Variants in ARHGAP26 observed in about 807,000 individuals in gnomAD.
ARHGAP26 encodes the protein rho GTPase-activating protein 26.
In ARHGAP26, 38 loss-of-function variants were observed where a neutral mutation model predicts 104.8. That is an observed-to-expected ratio of 0.36 (90% CI 0.28 to 0.48). The LOEUF (loss-of-function observed/expected upper bound fraction) is 0.48. ARHGAP26 is among the 20% of genes least tolerant of loss of function. The pLI, the probability that ARHGAP26 is intolerant of heterozygous loss-of-function variation, is 0.99. For synonymous variants in ARHGAP26, 341 were observed against 340.0 expected (o/e 1.00, Z -0.03); for missense variants, 704 against 947.9 (o/e 0.74, Z 3.38).
chr5:142,944,925 G>A (rs1356444302), intron 11 of ARHGAP26, among the ~76,000 whole-genome samples: 3 of 151,946 alleles, frequency 2.0e-5, no homozygotes, highest in Admixed American at 6.6e-5. Context: ...TTCTAGCAGC[G>A]CCGCCCCCTC....
intron 1 of ARHGAP26, among the ~76,000 whole-genome samples, chr5:142,832,420 G>A (rs1485754963): frequency 6.6e-6 from 1 of 152,254 alleles, no homozygotes; most frequent in Non-Finnish European, 1.5e-5. Context: ...AAGAGGTCAT[G>A]TGAGTGTAGA....
At chr5:143,033,082 G>T (rs1359902994) in intron 12 of ARHGAP26, among the ~76,000 whole-genome samples, 1 of 152,168 alleles carries the variant, frequency 6.6e-6, no homozygotes, top group Non-Finnish European at 1.5e-5. Flanking sequence ...TACATTAGAG[G>T]CTAACAGAGT....
At chr5:142,792,717 GATGTAGCTGTGGA>G (rs1185945069) in intron 1 of ARHGAP26, among the ~76,000 whole-genome samples, 1 of 152,168 alleles carries the variant, frequency 6.6e-6, no homozygotes, top group Admixed American at 6.5e-5. Context: ...GGAGTCCTTG[GATGTAGCTGTGGA>G]ATGAGCAGCG....
chr5:142,844,041 CT>C (rs1217167256), intron 1 of ARHGAP26, among the ~76,000 whole-genome samples: 1 of 148,066 alleles, frequency 6.8e-6, no homozygotes, highest in African/African-American at 2.5e-5. Flanking sequence ...TACATGTGAG[CT>C]AAAAGTGAGT....
At chr5:143,133,381 T>C (rs1193103723) in intron 18 of ARHGAP26, among the ~76,000 whole-genome samples, 1 of 152,120 alleles carries the variant, frequency 6.6e-6, no homozygotes, top group Non-Finnish European at 1.5e-5. Flanking sequence ...TTTATCAAGA[T>C]AAACGAGGAA....
chr5:143,059,190 A>C (rs1004956106), intron 17 of ARHGAP26, among the ~76,000 whole-genome samples: 1 of 152,110 alleles, frequency 6.6e-6, no homozygotes, highest in Non-Finnish European at 1.5e-5. Context: ...TTCCAGGTGC[A>C]CCCTCCAGCC....
At chr5:142,808,874 C>T (rs1202396436) in intron 1 of ARHGAP26, among the ~76,000 whole-genome samples, 2 of 152,222 alleles carry the variant, frequency 1.3e-5, no homozygotes, top group African/African-American at 4.8e-5. Context: ...AGCATCTTTT[C>T]TTACCACAGC....
intron 20 of ARHGAP26, among the ~76,000 whole-genome samples, chr5:143,190,011 T>G (rs927622631): frequency 2.0e-5 from 3 of 150,750 alleles, no homozygotes; most frequent in Non-Finnish European, 2.9e-5. Flanking sequence ...TTACTACATC[T>G]TTGGAGGACA....
chr5:143,116,119 C>A (rs1194036877), intron 17 of ARHGAP26, among the ~76,000 whole-genome samples: 1 of 152,038 alleles, frequency 6.6e-6, no homozygotes, highest in East Asian at 1.9e-4. Flanking sequence ...GTGTGTATTG[C>A]TTGGTAAAAT....
chr5:143,203,574 A>T (rs564067739), intron 20 of ARHGAP26: 20 of 152,364 alleles, frequency 1.3e-4, no homozygotes, highest in African/African-American at 4.8e-4. Context: ...ACTACTGTGT[A>T]TACACCCAAA....
chr5:143,125,281 C>T (rs1433700677), intron 18 of ARHGAP26, among the ~76,000 whole-genome samples: 1 of 152,126 alleles, frequency 6.6e-6, no homozygotes, highest in African/African-American at 2.4e-5. Context: ...AGACATTCAG[C>T]TGAGGGTTAA....
intron 20 of ARHGAP26, among the ~76,000 whole-genome samples, chr5:143,182,308 C>T (rs1804501112): frequency 6.6e-6 from 1 of 152,228 alleles, no homozygotes; most frequent in Admixed American, 6.5e-5. Context: ...AACTCATCCA[C>T]AGTTCATCAT....
At chr5:143,073,567 C>T (rs1446680514) in intron 17 of ARHGAP26, among the ~76,000 whole-genome samples, 2 of 152,204 alleles carry the variant, frequency 1.3e-5, no homozygotes, top group East Asian at 3.8e-4. Context: ...ATTGGCCCAG[C>T]AGGCAAGAGG....
At chr5:143,067,039 C>A (rs1331450108) in intron 17 of ARHGAP26, among the ~76,000 whole-genome samples, 1 of 151,858 alleles carries the variant, frequency 6.6e-6, no homozygotes, top group Admixed American at 6.6e-5. Flanking sequence ...CTCTGCCCCT[C>A]CCCCTCCCGC....
chr5:143,198,655 A>G (rs1807227791), intron 20 of ARHGAP26, among the ~76,000 whole-genome samples: 1 of 152,226 alleles, frequency 6.6e-6, no homozygotes, highest in South Asian at 2.1e-4. Context: ...TCAGTGAGAA[A>G]AGATTCGGAT....
chr5:142,918,169 C>CA (rs1384555705), intron 10 of ARHGAP26, among the ~76,000 whole-genome samples: 1 of 151,764 alleles, frequency 6.6e-6, no homozygotes, highest in Non-Finnish European at 1.5e-5. Context: ...ATTTTTGAGA[C>CA]AGAGTCTTGC....
In ARHGAP26 at chr5:143,079,403, G is replaced by A. The variant is rs376544462; in HGVS notation, c.1538+21656G>A. Among the ~76,000 whole-genome samples, 110 of 152,250 alleles carry A rather than the reference G, an allele frequency of 7.2e-4. 1 individual carries two copies. The highest frequency in any genetic ancestry group is 2.5e-3 in the African/African-American group (104 of 41,556). Reference sequence around the variant, plus strand: ...ATAAACACCTTTGCTACCAGGCTACGATTCTTTGGTCTTTGTAGTCGGCAC... The same window carrying A: ...ATAAACACCTTTGCTACCAGGCTACAATTCTTTGGTCTTTGTAGTCGGCAC... On this transcript the variant is annotated intron_variant, in intron 17 of 22. Transcript: ENST00000645722.
chr5:143,200,852 A>G (rs1807611703), intron 20 of ARHGAP26, among the ~76,000 whole-genome samples: 1 of 152,166 alleles, frequency 6.6e-6, no homozygotes, highest in Non-Finnish European at 1.5e-5. Context: ...GGTCTGCCAC[A>G]TCCCTTGTCA....
Position 142,803,187 on chromosome 5 carries a change from G to A in ARHGAP26, c.154+32272G>A, listed in dbSNP as rs1159806816. Among the ~76,000 whole-genome samples, 4 of 152,150 alleles carry A rather than the reference G, an allele frequency of 2.6e-5. No homozygotes were observed. The East Asian group carries it at 7.7e-4, about 29-fold the overall frequency. ...ATCTGAGATGCCAATTAAATCTAGT[G>A]TTGCCAGATAAAATATGGGACACCC... On this transcript the variant is annotated intron_variant, in intron 1 of 22. Coordinates refer to ENST00000645722, the MANE Select transcript of ARHGAP26 (RefSeq NM_001135608.3).
Sources: allele counts gnomAD v4.1 joint callset (sites outside exome capture counted in the v4.1 genomes callset), GRCh38; gene constraint gnomAD v4.1.1; transcripts MANE v1.5; gene names NCBI Gene and HGNC (gene_info 2026-07-23, HGNC 2026-07-21).